Variants in DPP4 observed in about 807,000 individuals in gnomAD.
DPP4 encodes the protein dipeptidyl peptidase 4.
In DPP4, 93 loss-of-function variants were observed where a neutral mutation model predicts 122.4. That is an observed-to-expected ratio of 0.76 (90% confidence interval 0.64 to 0.90). The LOEUF (loss-of-function observed/expected upper bound fraction) is 0.90. DPP4 is among the 40% of genes least tolerant of loss of function. The pLI, the probability that DPP4 is intolerant of heterozygous loss-of-function variation, is 0.00. For synonymous variants in DPP4, 321 were observed against 302.9 expected (o/e 1.06, Z -0.62); for missense variants, 914 against 907.3 (o/e 1.01, Z -0.09).
At chr2:162,032,690 CA>C (rs1683594381) in intron 10 of DPP4, among the ~76,000 whole-genome samples, 1 of 139,662 alleles carries the variant, frequency 7.2e-6, no homozygotes, top group Admixed American at 7.1e-5. Context: ...AAAAAACAAA[CA>C]AACAACAACA....
At position 162,068,343 on chromosome 2, in the gene DPP4, GAT is replaced by G. The variant is rs551517245; in HGVS notation, c.94+5054_94+5055del. ...ATACTTGATTACAAGCTGACAGAAT[GAT>G]ATGGAGTTGAACAGTACTGAGTATC... On this transcript the variant is annotated intron_variant, in intron 2 of 25. Transcript: ENST00000360534. Among the ~76,000 whole-genome samples, 69 of 152,328 alleles carry G rather than the reference GAT, an allele frequency of 4.5e-4. No homozygotes were observed. In the Middle Eastern group the frequency reaches 0.01, roughly 23 times the overall value.
intron 15 of DPP4, among the ~76,000 whole-genome samples, 161 bp from the exon 16 acceptor site, chr2:162,019,011 C>G (rs1683023700): frequency 6.6e-6 from 1 of 151,642 alleles, no homozygotes; most frequent in African/African-American, 2.4e-5. Context: ...TTAATAGTAA[C>G]CTCAAACCTT....
intron 2 of DPP4, 87 bp downstream of exon 2, chr2:162,073,312 C>A: frequency 7.1e-7 from 1 of 1,412,186 alleles, no homozygotes; most frequent in Admixed American, 1.7e-5. Flanking sequence ...CAACCCCACG[C>A]AAAATCCCTC....
rs1034341094 is a variant in DPP4, at chr2:162,005,597, G to C, written c.2052+148C>G. 11 of 638,000 alleles carry C rather than the reference G, an allele frequency of 1.7e-5. No individual in the cohort carries two copies. In the African/African-American group the frequency reaches 1.8e-4, roughly 11 times the overall value. The allele number at this position is 638,000 out of a possible 1,614,324, so 39.5% of individuals were successfully genotyped here. ...CAGAATACAGTAAGGGAAGCTATTGGAGTATCTCTAAACCACCTGTGTTAT... is the reference window on the plus strand; with the variant it reads ...CAGAATACAGTAAGGGAAGCTATTGCAGTATCTCTAAACCACCTGTGTTAT... On this transcript the variant is annotated intron_variant, in intron 23 of 25. Transcript: ENST00000360534.
intron 7 of DPP4, 99 bp downstream of exon 7, chr2:162,038,850 T>G: frequency 9.6e-7 from 1 of 1,044,532 alleles, no homozygotes; most frequent in Non-Finnish European, 1.5e-6. Context: ...TAGTGAAGTA[T>G]TGAGTTCCTA....
At chr2:161,995,268 G>A (rs201409303) in intron 24 of DPP4, 32 bp downstream of exon 24, 34 of 1,588,982 alleles carry the variant, frequency 2.1e-5, no homozygotes, top group Non-Finnish European at 2.9e-5. Flanking sequence ...ACCTGTCTGT[G>A]ATACTAAAAA....
intron 2 of DPP4, among the ~76,000 whole-genome samples, chr2:162,055,682 A>G (rs1163488947): frequency 6.6e-6 from 1 of 152,058 alleles, no homozygotes; most frequent in Non-Finnish European, 1.5e-5. Flanking sequence ...AAAAAAAAAA[A>G]AAAAGAACAC....
At position 162,074,074 on chromosome 2, in the gene DPP4, C is replaced by A. The variant is rs111468751; in HGVS notation, c.-93G>T. ...AGACGCGCGTCCTGCACCGCTGCTC[C>A]GGGCGGTGGAGTCACTCGCCGCTGG... On this transcript the variant is annotated 5_prime_UTR_variant, in exon 1 of 26. Coordinates refer to ENST00000360534, the MANE Select transcript of DPP4 (RefSeq NM_001935.4). 9 of 1,521,910 alleles carry A rather than the reference C, an allele frequency of 5.9e-6. No homozygotes were observed. Among genetic ancestry groups the A allele is most frequent in the Non-Finnish European group, 7.9e-6 (9 of 1,135,888 alleles). The allele number at this position is 1,521,910 out of a possible 1,614,324, so 94.3% of individuals were successfully genotyped here.
chr2:162,011,101 C>A (rs556828833), intron 20 of DPP4, among the ~76,000 whole-genome samples: 3 of 152,086 alleles, frequency 2.0e-5, no homozygotes, highest in Non-Finnish European at 4.4e-5. Context: ...ACCCACCTCT[C>A]GGGGCTTCAG....
chr2:162,020,144 T>A (rs1425875171), intron 14 of DPP4, 85 bp downstream of exon 14: 1 of 1,124,072 alleles, frequency 8.9e-7, no homozygotes, highest in Non-Finnish European at 1.3e-6. Context: ...TCTTTATTTG[T>A]AGGAGATTTT....
intron 10 of DPP4, among the ~76,000 whole-genome samples, chr2:162,025,427 G>A (rs1465165063): frequency 6.6e-6 from 1 of 151,756 alleles, no homozygotes; most frequent in Non-Finnish European, 1.5e-5. Context: ...TTTTCAAAGG[G>A]GAAAAAATTG....
At chr2:162,024,713 T>C (rs978614258) in intron 11 of DPP4, 91 bp downstream of exon 11, 2 of 1,492,190 alleles carry the variant, frequency 1.3e-6, no homozygotes, top group Admixed American at 4.2e-5. Flanking sequence ...TCAAACTTCA[T>C]TTCCTGATTC....
intron 1 of DPP4, chr2:162,073,722 C>G (rs1177837199): frequency 1.5e-6 from 1 of 674,508 alleles, no homozygotes; most frequent in Non-Finnish European, 2.5e-6. Context: ...TCTACCCCTG[C>G]CCGGGTTCGG....
At chr2:162,044,746 C>G (rs191387752) in intron 5 of DPP4, among the ~76,000 whole-genome samples, 3 of 152,144 alleles carry the variant, frequency 2.0e-5, no homozygotes, top group Non-Finnish European at 2.9e-5. Flanking sequence ...TAAGCTGTAA[C>G]CTTTCCTGAA....
intron 2 of DPP4, among the ~76,000 whole-genome samples, chr2:162,048,738 C>A (rs760019768): frequency 9.9e-5 from 15 of 152,176 alleles, no homozygotes; most frequent in Non-Finnish European, 1.8e-4. Context: ...ACTTTTGCCC[C>A]AACACTACTC....
intron 23 of DPP4, among the ~76,000 whole-genome samples, chr2:161,998,430 G>C (rs115343691): frequency 6.6e-6 from 1 of 152,016 alleles, no homozygotes; most frequent in East Asian, 1.9e-4. Flanking sequence ...CTTTGCTCGC[G>C]GAAGACAGTC....
At chr2:162,054,029 G>T (rs1390098896) in intron 2 of DPP4, among the ~76,000 whole-genome samples, 7 of 152,324 alleles carry the variant, frequency 4.6e-5, no homozygotes, top group East Asian at 3.9e-4. Context: ...AGCCTTACTG[G>T]GGGGGTGGGG....
At chr2:162,061,007 TCCTTCC>T (rs1684755467) in intron 2 of DPP4, among the ~76,000 whole-genome samples, 1 of 44,330 alleles carries the variant, frequency 2.3e-5, no homozygotes, top group Non-Finnish European at 3.8e-5. Context: ...CCTCCCTCCC[TCCTTCC>T]TTCCTTCCTT....
At chr2:162,031,293 ACTATT>A (rs2106114929) in intron 10 of DPP4, among the ~76,000 whole-genome samples, 1 of 152,294 alleles carries the variant, frequency 6.6e-6, no homozygotes, top group East Asian at 1.9e-4. Context: ...AGCTCCCAGG[ACTATT>A]GCGGGAAGGA....
Sources: allele counts gnomAD v4.1 joint callset (sites outside exome capture counted in the v4.1 genomes callset), GRCh38; gene constraint gnomAD v4.1.1; transcripts MANE v1.5; gene names NCBI Gene and HGNC (gene_info 2026-07-23, HGNC 2026-07-21).